ABI2: variants seen among roughly 807,000 people sequenced by gnomAD.
ABI2 encodes the protein abl interactor 2.
ABI2 carries 25 observed loss-of-function variants against 59.2 expected under a neutral mutation model. The observed-to-expected ratio is 0.42, with a 90% CI of 0.31 to 0.59. The LOEUF (loss-of-function observed/expected upper bound fraction) is 0.59. Among genes scored for constraint, ABI2 ranks in the 20% least tolerant of loss-of-function variants. The probability of loss-of-function intolerance (pLI) is 0.14; values close to 1 mark genes in which losing one functional copy is unlikely to be tolerated. For synonymous variants in ABI2, 213 were observed against 235.5 expected (o/e 0.90, Z 0.87); for missense variants, 545 against 681.8 (o/e 0.80, Z 2.23).
At chr2:203,426,583 A>C (rs1160051831) in intron 11 of ABI2, among the ~76,000 whole-genome samples, 2 of 152,100 alleles carry the variant, frequency 1.3e-5, no homozygotes, top group Non-Finnish European at 2.9e-5. Flanking sequence ...ATATGTTTTG[A>C]AAAAATATAT....
chr2:203,333,951 T>C (rs1157356439), intron 1 of ABI2, among the ~76,000 whole-genome samples: 3 of 151,432 alleles, frequency 2.0e-5, no homozygotes, highest in African/African-American at 4.9e-5. Flanking sequence ...TTCTTTTTTT[T>C]TTTTTTTGAG....
At chr2:203,398,283 T>C (rs2153422151) in intron 8 of ABI2, among the ~76,000 whole-genome samples, 1 of 152,240 alleles carries the variant, frequency 6.6e-6, no homozygotes, top group South Asian at 2.1e-4. Context: ...TAGTTAAATA[T>C]AGGAATCTCG....
intron 1 of ABI2, among the ~76,000 whole-genome samples, chr2:203,329,543 G>C (rs1559130862): frequency 6.6e-6 from 1 of 151,522 alleles, no homozygotes; most frequent in Non-Finnish European, 1.5e-5. Flanking sequence ...GGCACAGTTT[G>C]CAAAATCTAA....
chr2:203,371,471 A>G (rs887932897), intron 2 of ABI2, among the ~76,000 whole-genome samples: 1 of 152,226 alleles, frequency 6.6e-6, no homozygotes, highest in Non-Finnish European at 1.5e-5. Flanking sequence ...GTAGTATACT[A>G]ATTTTTACTA....
intron 1 of ABI2, among the ~76,000 whole-genome samples, chr2:203,336,589 C>G (rs1418320128): frequency 6.6e-6 from 1 of 152,174 alleles, no homozygotes; most frequent in African/African-American, 2.4e-5. Flanking sequence ...TAGCTGCAGG[C>G]TGTAAGACTT....
chr2:203,416,444 C>A (rs886268765), intron 10 of ABI2, among the ~76,000 whole-genome samples: 3 of 152,010 alleles, frequency 2.0e-5, no homozygotes, highest in Non-Finnish European at 4.4e-5. Flanking sequence ...TACGGGCGCC[C>A]ACGACCATGT....
At chr2:203,360,882 C>A (rs183457291) in intron 1 of ABI2, among the ~76,000 whole-genome samples, 2 of 152,292 alleles carry the variant, frequency 1.3e-5, no homozygotes, top group East Asian at 3.9e-4. Context: ...TATGCTGTTG[C>A]TAATATCATT....
At chr2:203,369,212 A>G (rs1403978146) in intron 2 of ABI2, among the ~76,000 whole-genome samples, 1 of 151,982 alleles carries the variant, frequency 6.6e-6, no homozygotes, top group Non-Finnish European at 1.5e-5. Context: ...TATTCTTGAG[A>G]ATCCTAAAAT....
At chr2:203,350,395 C>T (rs529818359) in intron 1 of ABI2, among the ~76,000 whole-genome samples, 2 of 152,206 alleles carry the variant, frequency 1.3e-5, no homozygotes, top group South Asian at 4.2e-4. Flanking sequence ...GTCGCCCAGG[C>T]TGGAGTACAG....
intron 1 of ABI2, among the ~76,000 whole-genome samples, chr2:203,358,367 T>A (rs2092734741): frequency 1.3e-5 from 2 of 152,116 alleles, no homozygotes; most frequent in Non-Finnish European, 2.9e-5. Flanking sequence ...AGGCTGATCT[T>A]GAACTCCTGG....
chr2:203,333,044 A>G (rs1319217590), intron 1 of ABI2, among the ~76,000 whole-genome samples: 1 of 152,200 alleles, frequency 6.6e-6, no homozygotes, highest in Non-Finnish European at 1.5e-5. Flanking sequence ...TCTCTTAATC[A>G]ATGTGGATAC....
rs116596320 is a variant in ABI2 at position 203,344,136 on chromosome 2, T to G, written c.117+15505T>G. Among the ~76,000 whole-genome samples, 723 of 152,354 alleles carry G rather than the reference T, an allele frequency of 4.7e-3. 2 individuals are homozygous for G. The highest frequency in any genetic ancestry group is 7.8e-3 in the Non-Finnish European group (534 of 68,032). ...ATTCATTTATATATTTCCATTTGGT[T>G]CTTACTCCATAGTAAAGCTTAGCGC... On this transcript the variant is annotated intron_variant, in intron 1 of 11. Coordinates refer to ENST00000261018, the MANE Select transcript of ABI2 (RefSeq NM_001375670.1).
intron 8 of ABI2, among the ~76,000 whole-genome samples, chr2:203,398,048 G>T (rs752335694): frequency 6.6e-6 from 1 of 152,214 alleles, no homozygotes; most frequent in Non-Finnish European, 1.5e-5. Flanking sequence ...TGTTCCACTT[G>T]CCAGTGAAGA....
chr2:203,407,738 A>T (rs149261611), intron 9 of ABI2, among the ~76,000 whole-genome samples: 1 of 152,334 alleles, frequency 6.6e-6, no homozygotes, highest in East Asian at 1.9e-4. Context: ...TCTTATGAGG[A>T]ATCATTTTAG....
At position 203,426,785 on chromosome 2, in the gene ABI2, TAAA is replaced by T. The variant is rs59683844; in HGVS notation, c.1454-375_1454-373del. ...ATAATTCTAAGGTAAAGAAAAGCTT[TAAA>T]AAAAAAAAAAAAAAAACCACAATAT... is the stretch of plus-strand genomic sequence containing the variant. On this transcript the variant is annotated intron_variant, in intron 11 of 11. Transcript: ENST00000261018. Among the ~76,000 whole-genome samples the T allele has an allele frequency of 4.6e-3, 606 of 131,826 alleles. 5 individuals are homozygous for T. The highest frequency in any genetic ancestry group is 0.014 in the African/African-American group (522 of 36,526). The allele number at this position is 131,826 out of a possible 152,430, so 86.5% of individuals were successfully genotyped here.
In ABI2 at chr2:203,427,217, G is replaced by A. The variant is rs2098446840; in HGVS notation, c.1494G>A (p.Glu498=). The change falls in exon 12 of 12, where the codon GAG becomes GAA. Residue 498 remains glutamate, a synonymous_variant. Coordinates refer to ENST00000261018, the MANE Select transcript of ABI2 (RefSeq NM_001375670.1). ...ACTATACAAAAGACAAGGAAGATGA[G>A]CTGTCCTTTCAGGAAGGAGCCATTA... ...IYDYTKDKED[E]LSFQEGAIIY... 6.2e-7 allele frequency: 1 copy of A among 1,614,040 alleles called. No individual in the cohort carries two copies.
intron 2 of ABI2, among the ~76,000 whole-genome samples, chr2:203,377,638 G>C (rs1485540622): frequency 6.6e-6 from 1 of 152,160 alleles, no homozygotes; most frequent in Non-Finnish European, 1.5e-5. Flanking sequence ...CAGTACATTG[G>C]CTTACTCCTG....
At chr2:203,396,274 G>A (rs1385018053) in intron 7 of ABI2, among the ~76,000 whole-genome samples, 1 of 152,056 alleles carries the variant, frequency 6.6e-6, no homozygotes, top group East Asian at 1.9e-4. Flanking sequence ...TTTTGAAAAC[G>A]TGACACAAAA....
chr2:203,389,349 T>C (rs2096654302), intron 4 of ABI2, among the ~76,000 whole-genome samples: 1 of 152,220 alleles, frequency 6.6e-6, no homozygotes, highest in Non-Finnish European at 1.5e-5. Flanking sequence ...TCATTTGTCA[T>C]TAAAGATTGT....
Sources: gnomAD v4.1 joint callset for allele counts (sites outside exome capture counted in the v4.1 genomes callset) on GRCh38, gnomAD v4.1.1 for gene constraint, MANE v1.5 for transcripts, NCBI Gene and HGNC (gene_info 2026-07-23, HGNC 2026-07-21) for gene names.